TARDBP: variants seen among roughly 807,000 people sequenced by gnomAD.
TARDBP encodes the protein TAR DNA-binding protein 43.
Under a neutral mutation model 38.3 loss-of-function variants are expected in TARDBP, and 4 were observed. That is an observed-to-expected ratio of 0.10 (90% confidence interval 0.05 to 0.24). The LOEUF (loss-of-function observed/expected upper bound fraction) is 0.24, where lower values mean the gene tolerates loss of function less well. TARDBP is among the 10% of genes least tolerant of loss of function. TARDBP has a pLI of 1.00. For synonymous variants in TARDBP, 184 were observed against 183.8 expected, an observed-to-expected ratio of 1.00 and a Z score of -0.01; for missense variants, 202 against 521.9, an observed-to-expected ratio of 0.39 and a Z score of 5.97.
rs1643677969 is a variant in TARDBP at position 11,023,366 on chromosome 1, A to G, written c.*712A>G. Reference sequence around the variant, plus strand: ...ATTTTTATCCGCTACTCTTTATTTCATGGAGTCGTATCAACGCTATGAACG... The same window carrying G: ...ATTTTTATCCGCTACTCTTTATTTCGTGGAGTCGTATCAACGCTATGAACG... On this transcript the variant is annotated 3_prime_UTR_variant, in exon 6 of 6. Transcript: ENST00000240185. 9.0e-7 allele frequency: 1 copy of G among 1,110,096 alleles called. No individual in the cohort carries two copies. The highest frequency in any genetic ancestry group is 1.6e-5 in the African/African-American group (1 of 64,178). 68.8% of individuals were successfully genotyped at this position (1,110,096 alleles called of 1,614,324 possible). A position where few individuals can be genotyped will look rare whatever the true frequency, so the allele number is the denominator to read the frequency against.
intron 3 of TARDBP, among the ~76,000 whole-genome samples, chr1:11,018,118 A>G (rs1310186977): frequency 2.0e-5 from 3 of 151,806 alleles, no homozygotes; most frequent in Admixed American, 6.6e-5. Flanking sequence ...TCCTGACCTC[A>G]TGATCTGCCC....
At chr1:11,027,445 T>A, downstream of TARDBP, 1 of 1,614,162 alleles carries the variant, frequency 6.2e-7, no homozygotes, top group Non-Finnish European at 8.5e-7. Flanking sequence ...CTTTTCAGGG[T>A]GCCCATTCGA....
chr1:11,018,456 T>A (rs1643572978), intron 3 of TARDBP: 1 of 443,296 alleles, frequency 2.3e-6, no homozygotes, highest in South Asian at 2.1e-5. Flanking sequence ...CCCAAAGCAC[T>A]GGGAATACAG....
chr1:11,029,253 G>A (rs1257405285), downstream of TARDBP, among the ~76,000 whole-genome samples: 3 of 151,448 alleles, frequency 2.0e-5, no homozygotes, highest in African/African-American at 4.9e-5. Context: ...TTCCGCCTTG[G>A]CCTCCCAAAG....
chr1:11,019,358 G>A (rs1010632542), intron 4 of TARDBP, among the ~76,000 whole-genome samples: 11 of 152,274 alleles, frequency 7.2e-5, no homozygotes, highest in Non-Finnish European at 1.0e-4. Context: ...AGCAGACCTC[G>A]TGTACAGCAG....
At chr1:11,028,662 A>AC (rs1160479045), downstream of TARDBP, among the ~76,000 whole-genome samples, 3 of 152,116 alleles carry the variant, frequency 2.0e-5, no homozygotes, top group East Asian at 5.8e-4. Flanking sequence ...GAGCCAAATA[A>AC]CACAAGGGTA....
At chr1:11,027,659 A>C, downstream of TARDBP, 9 of 1,588,024 alleles carry the variant, frequency 5.7e-6, no homozygotes, top group South Asian at 1.1e-5. Context: ...CTGGAGAAAG[A>C]AGCAGATAGG....
At chr1:11,027,688 A>G (rs2100868412), downstream of TARDBP, 1 of 1,535,010 alleles carries the variant, frequency 6.5e-7, no homozygotes, top group African/African-American at 1.4e-5. Context: ...CTTTGTAAAA[A>G]TGTCAATCGT....
At position 11,018,788 on chromosome 1, in the gene TARDBP, C is replaced by T. The variant is rs1358405889; in HGVS notation, c.458C>T (p.Thr153Met). The T allele has an allele frequency of 1.2e-6, 2 of 1,614,062 alleles. No homozygotes were observed. The highest frequency in any genetic ancestry group is 1.7e-6 in the Non-Finnish European group (2 of 1,180,020). The change falls in exon 4 of 6, where the codon ACG becomes ATG. Residue 153 changes from threonine (T) to methionine (M), a missense_variant. Transcript: ENST00000240185. ...AAGGGGTTTGGCTTTGTTCGTTTTA[C>T]GGAATATGAAACACAAGTGAAAGTA... ...HSKGFGFVRF[T>M]EYETQVKVMS...
At chr1:11,027,724 G>T, downstream of TARDBP, 1 of 1,475,954 alleles carries the variant, frequency 6.8e-7, no homozygotes, top group Non-Finnish European at 9.1e-7. Flanking sequence ...TGACCGCCTT[G>T]AAGTATATAT....
Position 11,013,853 on chromosome 1 carries a change from C to T in TARDBP, c.126C>T (p.Arg42=). ...TAQFPGACGL[R]YRNPVSQCMR... is the part of the protein sequence containing the mutation. The stretch of plus-strand genomic sequence containing the variant: ...AGTTTCCAGGGGCGTGTGGGCTTCG[C>T]TACAGGAATCCAGTGTCTCAGTGTA... The change falls in exon 2 of 6, where the codon CGC becomes CGT. Residue 42 remains arginine (R), a synonymous_variant. Transcript: ENST00000240185. The T allele has an allele frequency of 1.2e-6, 2 of 1,614,142 alleles. No homozygotes were observed. The highest frequency in any genetic ancestry group is 8.5e-7 in the Non-Finnish European group (1 of 1,179,966).
At position 11,017,117 on chromosome 1, in the gene TARDBP, C is replaced by T. The variant is rs112742746; in HGVS notation, c.402+110C>T. On this transcript the variant is annotated intron_variant, in intron 3 of 5. Transcript: ENST00000240185. ...TATCACTATGTTCCCTAGGTTCTGG[C>T]GTCAAACTCCTGGGCCCATACTGTC... 5,604 of 1,238,970 alleles carry T rather than the reference C, an allele frequency of 4.5e-3. 161 individuals carry two copies. In the African/African-American group the frequency reaches 0.064, roughly 14 times the overall value. 76.7% of individuals were successfully genotyped at this position (1,238,970 alleles called of 1,614,324 possible). A position where few individuals can be genotyped will look rare whatever the true frequency, so the allele number is the denominator to read the frequency against.
chr1:11,017,065 T>C, intron 3 of TARDBP, 58 bp downstream of exon 3: 1 of 1,566,798 alleles, frequency 6.4e-7, no homozygotes, highest in Non-Finnish European at 8.8e-7. Context: ...ATCTAGCATT[T>C]ATTTATTGGT....
At chr1:11,021,305 A>AT (rs913383998) in intron 5 of TARDBP, among the ~76,000 whole-genome samples, 15 of 150,904 alleles carry the variant, frequency 9.9e-5, no homozygotes, top group Non-Finnish European at 2.2e-4. Flanking sequence ...CGCCTGGCTG[A>AT]TTTTTTTGTG....
At chr1:11,030,068 G>T (rs1643816493), downstream of TARDBP, 11 of 736,604 alleles carry the variant, frequency 1.5e-5, no homozygotes, top group Non-Finnish European at 2.3e-5. Flanking sequence ...TAAGAGCCAA[G>T]TGCTGAAGTT....
At chr1:11,017,073 G>A in intron 3 of TARDBP, 66 bp downstream of exon 3, 1 of 1,527,148 alleles carries the variant, frequency 6.5e-7, no homozygotes, top group Non-Finnish European at 9.0e-7. Context: ...TTTATTTATT[G>A]GTATAAATAG....
At chr1:11,017,845 C>G (rs959153743) in intron 3 of TARDBP, among the ~76,000 whole-genome samples, 2 of 151,808 alleles carry the variant, frequency 1.3e-5, no homozygotes, top group African/African-American at 4.8e-5. Flanking sequence ...GCCAGGAGTT[C>G]AAGGCCACCT....
downstream of TARDBP, chr1:11,027,518 G>C (rs1643759155): frequency 6.2e-7 from 1 of 1,614,160 alleles, no homozygotes; most frequent in Non-Finnish European, 8.5e-7. Context: ...TTAGGACCCA[G>C]TTGTCATATA....
chr1:11,027,028 G>GA (rs749972083), downstream of TARDBP: 1 of 1,597,772 alleles, frequency 6.3e-7, no homozygotes, highest in Non-Finnish European at 8.5e-7. Flanking sequence ...TCACTATCTA[G>GA]AAACACCAGT....
Sources: allele counts gnomAD v4.1 joint callset (sites outside exome capture counted in the v4.1 genomes callset), GRCh38; gene constraint gnomAD v4.1.1; transcripts MANE v1.5; gene names NCBI Gene and HGNC (gene_info 2026-07-23, HGNC 2026-07-21).